The following RAD51B variants were observed in gnomAD, a reference collection of about 807,000 sequenced individuals.
RAD51B encodes RAD51 paralog B.
RAD51B carries 38 observed loss-of-function variants against 42.2 expected under a neutral mutation model. The observed-to-expected ratio is 0.90, with a 90% confidence interval of 0.70 to 1.18. The LOEUF (loss-of-function observed/expected upper bound fraction) is 1.18. RAD51B is among the 50% of genes most tolerant of loss of function. RAD51B has a pLI of 0.00. For synonymous variants in RAD51B, 154 were observed against 145.2 expected, an observed-to-expected ratio of 1.06 and a Z score of -0.43; for missense variants, 373 against 400.7, an observed-to-expected ratio of 0.93 and a Z score of 0.59.
chr14:68,334,896 AT>A (rs2082415639), intron 8 of RAD51B, among the ~76,000 whole-genome samples: 1 of 92,162 alleles, frequency 1.1e-5, no homozygotes, highest in African/African-American at 3.4e-5. Context: ...ATTTTATGAT[AT>A]ATAGGATAGA....
At chr14:68,217,655 A>G (rs985458571) in intron 7 of RAD51B, among the ~76,000 whole-genome samples, 1 of 152,040 alleles carries the variant, frequency 6.6e-6, no homozygotes, top group Non-Finnish European at 1.5e-5. Flanking sequence ...CATTCTCAAG[A>G]TTTTTTTCTT....
chr14:67,830,494 T>C (rs1440152908), intron 3 of RAD51B, among the ~76,000 whole-genome samples: 1 of 151,870 alleles, frequency 6.6e-6, no homozygotes. Context: ...CTCTGCCTTC[T>C]GGGTTCCAGC....
intron 5 of RAD51B, among the ~76,000 whole-genome samples, chr14:67,866,070 C>T (rs1236201088): frequency 6.6e-6 from 1 of 152,192 alleles, no homozygotes; most frequent in Non-Finnish European, 1.5e-5. Context: ...ACACATCAAA[C>T]TGCTCTAGAA....
rs1293913465 is a variant in RAD51B, at chr14:68,550,099, C to G, written c.1037-44386C>G. Among the ~76,000 whole-genome samples, 4 of 152,204 alleles carry G rather than the reference C, an allele frequency of 2.6e-5. No individual in the cohort carries two copies. In the East Asian group the frequency reaches 7.7e-4, roughly 29 times the overall value. On this transcript the variant is annotated intron_variant, in intron 10 of 10. Transcript: ENST00000487270. The stretch of plus-strand genomic sequence containing the variant: ...CCCCTCTGCAGGCAGGCTCTGCCCC[C>G]TTTCACTCACTGGAGTGCTCACTTC...
At chr14:68,133,232 CA>C (rs1314484854) in intron 7 of RAD51B, among the ~76,000 whole-genome samples, 16 of 152,106 alleles carry the variant, frequency 1.1e-4, no homozygotes, top group African/African-American at 3.6e-4. Flanking sequence ...TCAGGTAAGG[CA>C]GGCACATATT....
At chr14:68,134,141 G>A (rs1052959208) in intron 7 of RAD51B, among the ~76,000 whole-genome samples, 2 of 152,064 alleles carry the variant, frequency 1.3e-5, no homozygotes, top group East Asian at 1.9e-4. Flanking sequence ...TCTGGTAACC[G>A]TGAATCTGTT....
intron 7 of RAD51B, among the ~76,000 whole-genome samples, chr14:68,238,739 T>C (rs1314375544): frequency 1.3e-5 from 2 of 152,240 alleles, no homozygotes; most frequent in Non-Finnish European, 2.9e-5. Flanking sequence ...TGCGTTGTGG[T>C]CTGTGGAACA....
At chr14:68,415,443 G>A (rs573290594) in intron 9 of RAD51B, among the ~76,000 whole-genome samples, 42 of 152,224 alleles carry the variant, frequency 2.8e-4, no homozygotes, top group African/African-American at 8.4e-4. Flanking sequence ...GCTAGTCACT[G>A]TGTAACTAGT....
At chr14:68,508,573 C>T (rs1317582123) in intron 10 of RAD51B, among the ~76,000 whole-genome samples, 1 of 152,174 alleles carries the variant, frequency 6.6e-6, no homozygotes, top group African/African-American at 2.4e-5. Flanking sequence ...GGCTTCCAGA[C>T]CACTGAGATT....
At chr14:68,314,244 C>G (rs78832636) in intron 8 of RAD51B, among the ~76,000 whole-genome samples, 230 of 152,218 alleles carry the variant, frequency 1.5e-3, no homozygotes, top group African/African-American at 5.3e-3. Flanking sequence ...CTGCCCAGTT[C>G]ACTCCTACTC....
intron 8 of RAD51B, among the ~76,000 whole-genome samples, chr14:68,297,924 A>C (rs181221345): frequency 3.3e-5 from 5 of 152,140 alleles, no homozygotes; most frequent in Non-Finnish European, 7.3e-5. Flanking sequence ...TTTGGATAAA[A>C]ATGTTTAAGT....
intron 10 of RAD51B, among the ~76,000 whole-genome samples, chr14:68,525,320 T>C (rs1385747556): frequency 2.6e-5 from 4 of 152,258 alleles, no homozygotes; most frequent in Admixed American, 2.6e-4. Flanking sequence ...GTGAGACCCA[T>C]GTCAGACTTT....
At chr14:68,153,158 G>A (rs1391914490) in intron 7 of RAD51B, among the ~76,000 whole-genome samples, 1 of 152,046 alleles carries the variant, frequency 6.6e-6, no homozygotes, top group Non-Finnish European at 1.5e-5. Context: ...GTGTTACTGT[G>A]CCACTTTACG....
Position 68,028,026 on chromosome 14 carries a change from G to T in RAD51B, c.756+140822G>T, listed in dbSNP as rs377710846. On this transcript the variant is annotated intron_variant, in intron 7 of 10. Coordinates refer to ENST00000471583, the MANE Select transcript of RAD51B (RefSeq NM_133510.4). ...TTTCTGGGTATTTTCAGAGGGTCAG[G>T]ACTCTGTACAGGGTCTTTGTGGCTG... Among the ~76,000 whole-genome samples the T allele has an allele frequency of 3.3e-5, 5 of 152,306 alleles. No homozygotes were observed. In the East Asian group the frequency reaches 5.8e-4, roughly 18 times the overall value.
At position 68,371,050 on chromosome 14, in the gene RAD51B, A is replaced by G. The variant is rs989920142; in HGVS notation, c.854-40374A>G. On this transcript the variant is annotated intron_variant, in intron 8 of 10. Transcript: ENST00000471583. ...AGACTCTGTCTCAAAAAAAAAAAAAAAAAAAGAAAAAAAGAAAAGAAAATT... is the reference window on the plus strand; with the variant it reads ...AGACTCTGTCTCAAAAAAAAAAAAAGAAAAAGAAAAAAAGAAAAGAAAATT... Among the ~76,000 whole-genome samples, 21 of 114,230 alleles carry G rather than the reference A, an allele frequency of 1.8e-4. 1 individual carries two copies. The South Asian group carries it at 2.1e-3, about 11-fold the overall frequency. 74.9% of individuals were successfully genotyped at this position (114,230 alleles called of 152,430 possible).
intron 8 of RAD51B, among the ~76,000 whole-genome samples, chr14:68,338,021 G>A (rs1291328115): frequency 7.2e-5 from 11 of 151,902 alleles, no homozygotes; most frequent in Non-Finnish European, 1.6e-4. Flanking sequence ...TGAACTCCTG[G>A]GTTCAAGCAA....
chr14:68,105,263 C>T (rs1007701670), intron 7 of RAD51B, among the ~76,000 whole-genome samples: 1 of 151,940 alleles, frequency 6.6e-6, no homozygotes, highest in African/African-American at 2.4e-5. Flanking sequence ...GCTTCAGTTT[C>T]CTGACCTGTA....
At chr14:68,184,920 C>T (rs1256327957) in intron 7 of RAD51B, among the ~76,000 whole-genome samples, 1 of 152,148 alleles carries the variant, frequency 6.6e-6, no homozygotes, top group African/African-American at 2.4e-5. Flanking sequence ...CTTTGACTCT[C>T]ATTACACATG....
At chr14:68,437,883 C>T (rs1399489277) in intron 9 of RAD51B, among the ~76,000 whole-genome samples, 2 of 152,116 alleles carry the variant, frequency 1.3e-5, no homozygotes, top group Non-Finnish European at 1.5e-5. Context: ...GGAAACAAAA[C>T]TTGAAAAGTG....
Sources: gnomAD v4.1 joint callset for allele counts (sites outside exome capture counted in the v4.1 genomes callset) on GRCh38, gnomAD v4.1.1 for gene constraint, MANE v1.5 for transcripts, NCBI Gene and HGNC (gene_info 2026-07-23, HGNC 2026-07-21) for gene names.